The following CHD9 variants were observed in gnomAD, a reference collection of about 807,000 sequenced individuals.
The protein encoded by CHD9 is chromodomain helicase DNA binding protein 9.
CHD9 carries 77 observed loss-of-function variants against 316.1 expected under a neutral mutation model. That is an observed-to-expected ratio of 0.24 (90% CI 0.20 to 0.29). The LOEUF (loss-of-function observed/expected upper bound fraction) is 0.29, where lower values mean the gene tolerates loss of function less well. Among genes scored for constraint, CHD9 ranks in the 10% least tolerant of loss-of-function variants. The probability of loss-of-function intolerance (pLI) is 1.00; values close to 1 mark genes in which losing one functional copy is unlikely to be tolerated. For missense variants in CHD9, 2,763 were observed against 3,438.1 expected, an observed-to-expected ratio of 0.80 and a Z score of 4.91; for synonymous variants, 1,129 against 1,158.3, an observed-to-expected ratio of 0.97 and a Z score of 0.51.
At chr16:53,293,418 C>T (rs1430266163) in intron 29 of CHD9, among the ~76,000 whole-genome samples, 1 of 151,690 alleles carries the variant, frequency 6.6e-6, no homozygotes, top group Non-Finnish European at 1.5e-5. Flanking sequence ...ATTTCGAGAC[C>T]AGCCCTGGCA....
At chr16:53,063,669 C>G (rs1000946298) in intron 1 of CHD9, among the ~76,000 whole-genome samples, 1 of 151,522 alleles carries the variant, frequency 6.6e-6, no homozygotes, top group African/African-American at 2.4e-5. Context: ...GTAGCTGGGA[C>G]TACAGGCGCC....
chr16:53,150,432 T>A lies in CHD9; in HGVS notation c.-164-5494T>A, dbSNP rs376329840. Among the ~76,000 whole-genome samples, 99 of 152,298 alleles carry A rather than the reference T, an allele frequency of 6.5e-4. 1 individual carries two copies. The South Asian group carries it at 0.02, about 30-fold the overall frequency. On this transcript the variant is annotated intron_variant, in intron 1 of 38. Coordinates refer to ENST00000447540, the MANE Select transcript of CHD9 (RefSeq NM_001308319.2). ...TTGTTATTATCAAAGATTACATCGGTCTACATTGTGTGCTTGTTAACAGAA... is the reference window on the plus strand; with the variant it reads ...TTGTTATTATCAAAGATTACATCGGACTACATTGTGTGCTTGTTAACAGAA...
In CHD9 at chr16:53,304,608, A is replaced by G. The variant is rs1454184279; in HGVS notation, c.6602A>G (p.Glu2201Gly). Residue 2201 changes from glutamate (E) to glycine (G), a missense_variant, in exon 31 of 39, where the codon GAA (glutamate) becomes GGA (glycine). By Grantham distance (98) the Glu-to-Gly change is moderately conservative. This residue lies in a region of CHD9 where 663 missense variants were observed against 751.2 expected (regional missense o/e 0.88). Transcript: ENST00000447540. ...TCAGAAGAAAGTGACAGTGATGAAGAAGAAGCCCAAAAACGAGGTACTATG... is the reference window on the plus strand; with the variant it reads ...TCAGAAGAAAGTGACAGTGATGAAGGAGAAGCCCAAAAACGAGGTACTATG... ...SSSEESDSDE[E>G]EAQKRESTTH... The G allele has an allele frequency of 1.3e-6, 2 of 1,548,462 alleles. No individual in the cohort carries two copies. Among genetic ancestry groups the G allele is most frequent in the South Asian group, 1.2e-5 (1 of 83,640 alleles).
At chr16:53,142,498 G>C (rs2152709738) in intron 1 of CHD9, among the ~76,000 whole-genome samples, 1 of 152,278 alleles carries the variant, frequency 6.6e-6, no homozygotes, top group Middle Eastern at 3.4e-3. Flanking sequence ...TTTTTGTAGA[G>C]ATGGGACTGT....
chr16:53,115,226 G>C lies in CHD9; in HGVS notation c.-164-40700G>C, dbSNP rs184536624. Among the ~76,000 whole-genome samples, 689 of 152,316 alleles carry C rather than the reference G, an allele frequency of 4.5e-3. 1 individual carries two copies. Among genetic ancestry groups the C allele is most frequent in the Non-Finnish European group, 7.0e-3 (473 of 68,030 alleles). On this transcript the variant is annotated intron_variant, in intron 1 of 38. Transcript: ENST00000447540. Reference sequence around the variant, plus strand: ...AACAGCTTGGGATGCTGTCAACCTAGATGACCTAAGAAGGACTCACCCAGA... The same window carrying C: ...AACAGCTTGGGATGCTGTCAACCTACATGACCTAAGAAGGACTCACCCAGA...
chr16:53,244,192 CTTT>C (rs529369708), intron 13 of CHD9, among the ~76,000 whole-genome samples: 1 of 135,478 alleles, frequency 7.4e-6, no homozygotes. Context: ...AAGCATATTT[CTTT>C]TTTTTTTTTT....
At chr16:53,058,230 C>T (rs1464628879) in intron 1 of CHD9, among the ~76,000 whole-genome samples, 1 of 152,170 alleles carries the variant, frequency 6.6e-6, no homozygotes, top group Admixed American at 6.5e-5. Flanking sequence ...AAGCGATTCT[C>T]CTGCCTCAGC....
chr16:53,148,924 T>A (rs923752659), intron 1 of CHD9, among the ~76,000 whole-genome samples: 1 of 152,258 alleles, frequency 6.6e-6, no homozygotes, highest in African/African-American at 2.4e-5. Flanking sequence ...CTCAGAGCAT[T>A]GCTTTGATAA....
intron 2 of CHD9, among the ~76,000 whole-genome samples, chr16:53,172,213 C>G (rs1301282783): frequency 2.0e-5 from 3 of 152,122 alleles, no homozygotes; most frequent in African/African-American, 4.8e-5. Flanking sequence ...TTCGCGCACC[C>G]AGACAACCAC....
Position 53,273,615 on chromosome 16 carries a change from T to A in CHD9, c.4718-11T>A. 3.2e-6 allele frequency: 5 copies of A among 1,555,456 alleles called. No individual in the cohort carries two copies. The highest frequency in any genetic ancestry group is 4.3e-6 in the Non-Finnish European group (5 of 1,154,094). ...AAATTATTCCTAATTTATATGTCCT[T>A]ATTTTAACAGGCCTATCAGCTCCTG... On this transcript the variant is annotated splice_polypyrimidine_tract_variant and intron_variant, in intron 22 of 38. Transcript: ENST00000447540.
At chr16:53,093,945 T>A (rs1046377985) in intron 1 of CHD9, among the ~76,000 whole-genome samples, 1 of 152,108 alleles carries the variant, frequency 6.6e-6, no homozygotes, top group Non-Finnish European at 1.5e-5. Flanking sequence ...TCCCAGTTAG[T>A]TCTGTCCATG....
chr16:53,170,065 T>TG (rs2042586958), intron 2 of CHD9, among the ~76,000 whole-genome samples: 1 of 140,796 alleles, frequency 7.1e-6, no homozygotes, highest in Non-Finnish European at 1.5e-5. Flanking sequence ...TTTTGTTTGT[T>TG]TTTTTTTGGT....
Position 53,320,198 on chromosome 16 carries a change from T to TAA in CHD9, c.7714-1311_7714-1310dup, listed in dbSNP as rs558919362. 2.7e-3 allele frequency among the ~76,000 whole-genome samples: 346 copies of TAA among 126,890 alleles called. 3 individuals carry two copies. The highest frequency in any genetic ancestry group is 8.7e-3 in the African/African-American group (298 of 34,138). The allele number at this position is 126,890 out of a possible 152,430, so 83.2% of individuals were successfully genotyped here. A position where few individuals can be genotyped will look rare whatever the true frequency, so the allele number is the denominator to read the frequency against. ...AAAAAAGTGAGTGAGTGAGTCTCTT[T>TAA]AAAAAAAAAAAAAAAAAAGAAATAC... On this transcript the variant is annotated intron_variant, in intron 37 of 38. Transcript: ENST00000447540.
In CHD9 at chr16:53,251,997, A is replaced by G. The variant is rs576917131; in HGVS notation, c.3861+1931A>G. Among the ~76,000 whole-genome samples the G allele has an allele frequency of 1.7e-4, 26 of 152,320 alleles. 1 individual carries two copies. The highest frequency in any genetic ancestry group is 4.1e-4 in the African/African-American group (17 of 41,572). The stretch of plus-strand genomic sequence containing the variant: ...CTGCCAAAAGCAATCTACAAATTCA[A>G]TGCAATCCCCATCAAAATACCACCA... On this transcript the variant is annotated intron_variant, in intron 17 of 38. Coordinates refer to ENST00000447540, the MANE Select transcript of CHD9 (RefSeq NM_001308319.2).
At chr16:53,299,605 T>C (rs1429665336) in intron 30 of CHD9, 1 of 411,018 alleles carries the variant, frequency 2.4e-6, no homozygotes, top group South Asian at 2.0e-5. Flanking sequence ...ATTGGCTTCA[T>C]TGAAAACAAT....
chr16:53,257,116 C>T (rs1364357589), intron 19 of CHD9, among the ~76,000 whole-genome samples: 1 of 152,032 alleles, frequency 6.6e-6, no homozygotes, highest in East Asian at 1.9e-4. Context: ...GAGGGAATTG[C>T]GAATTTCATT....
chr16:53,131,324 G>A, intron 1 of CHD9: 1 of 144,486 alleles, frequency 6.9e-6, no homozygotes, highest in Non-Finnish European at 1.4e-5. Flanking sequence ...CGCCGCCGCC[G>A]CCGCCGCCGC....
At chr16:53,259,757 G>A (rs531172337) in intron 19 of CHD9, among the ~76,000 whole-genome samples, 4 of 152,138 alleles carry the variant, frequency 2.6e-5, no homozygotes, top group South Asian at 2.1e-4. Context: ...TCAAGAAGTC[G>A]TCCCACCTTA....
intron 22 of CHD9, among the ~76,000 whole-genome samples, chr16:53,272,109 A>G (rs1301306299): frequency 6.6e-6 from 1 of 152,134 alleles, no homozygotes; most frequent in Non-Finnish European, 1.5e-5. Context: ...CTTTAAAGAG[A>G]TATTATTAAA....
Sources: allele counts gnomAD v4.1 joint callset (sites outside exome capture counted in the v4.1 genomes callset), GRCh38; gene constraint gnomAD v4.1.1; regional missense constraint gnomAD v4.1.1; transcripts MANE v1.5; gene names NCBI Gene and HGNC (gene_info 2026-07-23, HGNC 2026-07-21).